The following PTPRD variants were observed in gnomAD, a reference collection of about 807,000 sequenced individuals.
PTPRD encodes protein tyrosine phosphatase receptor type D, also known as receptor-type tyrosine-protein phosphatase delta.
Under a neutral mutation model 214.5 loss-of-function variants are expected in PTPRD, and 34 were observed. The observed-to-expected ratio is 0.16, with a 90% confidence interval of 0.12 to 0.21. The LOEUF (loss-of-function observed/expected upper bound fraction) is 0.21. Ranked by LOEUF, PTPRD falls within the 10% of genes least tolerant of loss-of-function variation. The probability of loss-of-function intolerance (pLI) is 1.00; values close to 1 mark genes in which losing one functional copy is unlikely to be tolerated. For missense variants in PTPRD, 2,545 were observed against 2,398.7 expected, an observed-to-expected ratio of 1.06 and a Z score of -1.27; for synonymous variants, 1,128 against 845.7, an observed-to-expected ratio of 1.33 and a Z score of -5.79.
intron 12 of PTPRD, among the ~76,000 whole-genome samples, chr9:8,650,624 T>C (rs1380282182): frequency 6.6e-6 from 1 of 151,502 alleles, no homozygotes; most frequent in Non-Finnish European, 1.5e-5. Flanking sequence ...TATACACCAG[T>C]GTTTTTGCAA....
chr9:9,430,465 T>G (rs919229423), intron 8 of PTPRD, among the ~76,000 whole-genome samples: 7 of 151,958 alleles, frequency 4.6e-5, no homozygotes, highest in African/African-American at 1.7e-4. Context: ...ATCATGAAAA[T>G]GGCCATACTG....
At chr9:9,610,281 A>C (rs917109500) in intron 7 of PTPRD, among the ~76,000 whole-genome samples, 2 of 152,200 alleles carry the variant, frequency 1.3e-5, no homozygotes, top group African/African-American at 4.8e-5. Context: ...TTTTCAAAAA[A>C]ATGCCGTATG....
Position 9,840,789 on chromosome 9 carries a change from A to C in PTPRD, c.-367-73938T>G, listed in dbSNP as rs530586057. Among the ~76,000 whole-genome samples, 56 of 141,504 alleles carry C rather than the reference A, an allele frequency of 4.0e-4. No homozygotes were observed. In the South Asian group the frequency reaches 0.011, roughly 28 times the overall value. 92.8% of individuals were successfully genotyped at this position (141,504 alleles called of 152,430 possible). ...AAAAAAAAAAAAAAAAAAAAAAAAA[A>C]AAAAAAAAAACAGAAAGGGGAAGGG... On this transcript the variant is annotated intron_variant, in intron 5 of 45. Transcript: ENST00000381196.
intron 11 of PTPRD, among the ~76,000 whole-genome samples, chr9:8,866,340 C>A (rs1232256262): frequency 1.3e-5 from 2 of 152,066 alleles, no homozygotes; most frequent in African/African-American, 4.8e-5. Flanking sequence ...CCTTTTCTTA[C>A]CACCAAAAGC....
chr9:10,450,265 CATAAATAAATAAAA>C lies in PTPRD; in HGVS notation c.-599-109262_-599-109249del, dbSNP rs1021574659. Among the ~76,000 whole-genome samples the C allele has an allele frequency of 2.6e-5, 4 of 151,320 alleles. 1 individual carries two copies. The highest frequency in any genetic ancestry group is 9.7e-5 in the African/African-American group (4 of 41,032). On this transcript the variant is annotated intron_variant, in intron 2 of 45. Transcript: ENST00000381196. ...ATACTAAAAAAAATAAATAAATAAA[CATAAATAAATAAAA>C]ATAAAAAACAAAAAAAGATTATTAT...
intron 4 of PTPRD, among the ~76,000 whole-genome samples, chr9:9,965,566 T>C (rs2094628055): frequency 6.6e-6 from 1 of 152,160 alleles, no homozygotes; most frequent in South Asian, 2.1e-4. Context: ...GTGGCTCTAA[T>C]AGTATTTATT....
chr9:8,377,879 T>A (rs769172514), intron 37 of PTPRD, among the ~76,000 whole-genome samples: 6 of 152,108 alleles, frequency 3.9e-5, no homozygotes. Context: ...ATACTGTAAT[T>A]TTCTCTTTCA....
intron 11 of PTPRD, among the ~76,000 whole-genome samples, chr9:8,755,289 G>A (rs994862977): frequency 1.3e-5 from 2 of 151,534 alleles, no homozygotes; most frequent in African/African-American, 4.9e-5. Context: ...CAGCACTTTG[G>A]GAGGCCGAGG....
chr9:9,695,970 G>A (rs1467493677), intron 7 of PTPRD, among the ~76,000 whole-genome samples: 2 of 151,898 alleles, frequency 1.3e-5, no homozygotes, highest in African/African-American at 4.8e-5. Context: ...GAATACAATT[G>A]GTGTTAGTTC....
intron 37 of PTPRD, among the ~76,000 whole-genome samples, chr9:8,388,361 C>T (rs2088008279): frequency 6.6e-6 from 1 of 152,154 alleles, no homozygotes; most frequent in Admixed American, 6.6e-5. Flanking sequence ...TAAAAGAGGC[C>T]TCTCACTTGT....
chr9:9,584,898 G>C (rs1281556231), intron 7 of PTPRD, among the ~76,000 whole-genome samples: 1 of 151,768 alleles, frequency 6.6e-6, no homozygotes, highest in African/African-American at 2.4e-5. Flanking sequence ...CTTATGATTT[G>C]CAACATTTTT....
chr9:10,452,593 A>T (rs1277824604), intron 2 of PTPRD, among the ~76,000 whole-genome samples: 1 of 151,766 alleles, frequency 6.6e-6, no homozygotes. Flanking sequence ...CTGATGATTA[A>T]TGATTTACCT....
At chr9:9,475,375 C>T (rs1404636419) in intron 8 of PTPRD, among the ~76,000 whole-genome samples, 1 of 152,142 alleles carries the variant, frequency 6.6e-6, no homozygotes, top group African/African-American at 2.4e-5. Flanking sequence ...ACATATAACC[C>T]TATGGCACTA....
intron 3 of PTPRD, among the ~76,000 whole-genome samples, chr9:10,138,401 T>C (rs947266303): frequency 6.6e-6 from 1 of 151,926 alleles, no homozygotes; most frequent in African/African-American, 2.4e-5. Flanking sequence ...ATAAATACTC[T>C]AGCAACAACA....
chr9:9,545,010 C>T (rs1365011915), intron 8 of PTPRD, among the ~76,000 whole-genome samples: 1 of 151,644 alleles, frequency 6.6e-6, no homozygotes, highest in Non-Finnish European at 1.5e-5. Flanking sequence ...TTTACATTCA[C>T]AGCAAAATTG....
intron 2 of PTPRD, among the ~76,000 whole-genome samples, chr9:10,351,226 C>A (rs1454475762): frequency 6.6e-6 from 1 of 152,038 alleles, no homozygotes; most frequent in Non-Finnish European, 1.5e-5. Flanking sequence ...TAATCATCTA[C>A]TATCGTGGAT....
At chr9:8,958,163 C>T (rs1023793770) in intron 11 of PTPRD, among the ~76,000 whole-genome samples, 10 of 151,798 alleles carry the variant, frequency 6.6e-5, no homozygotes, top group East Asian at 1.9e-4. Context: ...AAATATGAGA[C>T]GGGTGCCAGA....
In PTPRD at chr9:8,484,397, T is replaced by TAA. The variant is rs61602377; in HGVS notation, c.3154-21_3154-20dup. The TAA allele has an allele frequency of 2.0e-3, 2,982 of 1,461,618 alleles. 1 individual carries two copies. The highest frequency in any genetic ancestry group is 8.2e-3 in the African/African-American group (564 of 69,002). 90.5% of individuals were successfully genotyped at this position (1,461,618 alleles called of 1,614,324 possible). On this transcript the variant is annotated intron_variant, in intron 29 of 45. Coordinates refer to ENST00000381196, the MANE Select transcript of PTPRD (RefSeq NM_002839.4). Reference sequence around the variant, plus strand: ...AAAGAATCTAAAGAGATAAAACCAATAAAAAAAAAATCTGGTTATCAGAGA... The same window carrying TAA: ...AAAGAATCTAAAGAGATAAAACCAATAAAAAAAAAAAATCTGGTTATCAGAGA...
In PTPRD at chr9:9,502,035, C is replaced by T. The variant is rs569819574; in HGVS notation, c.-237+72697G>A. ...TTGATGAGTTGGAGATACATACACA[C>T]CCATGAAACCACTACCACAATCGAT... On this transcript the variant is annotated intron_variant, in intron 8 of 45. Coordinates refer to ENST00000381196, the MANE Select transcript of PTPRD (RefSeq NM_002839.4). Among the ~76,000 whole-genome samples, 17 of 151,882 alleles carry T rather than the reference C, an allele frequency of 1.1e-4. No individual in the cohort carries two copies. In the South Asian group the frequency reaches 3.1e-3, roughly 28 times the overall value.
Sources: allele counts gnomAD v4.1 joint callset (sites outside exome capture counted in the v4.1 genomes callset), GRCh38; gene constraint gnomAD v4.1.1; transcripts MANE v1.5; gene names NCBI Gene and HGNC (gene_info 2026-07-23, HGNC 2026-07-21).